The following FOXP1 variants were observed in gnomAD, a reference collection of about 807,000 sequenced individuals.
FOXP1 encodes forkhead box protein P1.
Under a neutral mutation model 98.2 loss-of-function variants are expected in FOXP1, and 15 were observed. The ratio of observed to expected loss-of-function variants is 0.15; its 90% CI spans 0.10 to 0.24. The LOEUF (loss-of-function observed/expected upper bound fraction) is 0.24, where lower values mean the gene tolerates loss of function less well. Ranked by LOEUF, FOXP1 falls within the 10% of genes least tolerant of loss-of-function variation. FOXP1 has a pLI of 1.00. For missense variants in FOXP1, 633 were observed against 848.5 expected, an observed-to-expected ratio of 0.75 and a Z score of 3.15; for synonymous variants, 371 against 314.5, an observed-to-expected ratio of 1.18 and a Z score of -1.90.
chr3:71,397,014 A>ATATATACACACATATATATGTG (rs1560425080), intron 3 of FOXP1, among the ~76,000 whole-genome samples: 1 of 63,934 alleles, frequency 1.6e-5, no homozygotes, highest in Non-Finnish European at 3.2e-5. Flanking sequence ...ATGTGTATAT[A>ATATATACACACATATATATGTG]TATATATATA....
intron 4 of FOXP1, among the ~76,000 whole-genome samples, chr3:71,315,185 TTAATTGC>T (rs1237879253): frequency 6.6e-6 from 1 of 152,088 alleles, no homozygotes; most frequent in Non-Finnish European, 1.5e-5. Flanking sequence ...AGCCTTTTAT[TTAATTGC>T]TAAGGCACTT....
intron 5 of FOXP1, among the ~76,000 whole-genome samples, chr3:71,246,476 T>C (rs1462437110): frequency 1.3e-5 from 2 of 152,206 alleles, no homozygotes; most frequent in Non-Finnish European, 2.9e-5. Context: ...AGTTCCTCCC[T>C]AGCCTGGAAC....
At chr3:71,561,760 T>C (rs2046559238) in intron 2 of FOXP1, among the ~76,000 whole-genome samples, 1 of 152,212 alleles carries the variant, frequency 6.6e-6, no homozygotes. Flanking sequence ...TTCTATCCCA[T>C]GAAAATCATC....
intron 3 of FOXP1, among the ~76,000 whole-genome samples, chr3:71,466,581 C>A (rs1452703039): frequency 1.3e-5 from 2 of 152,086 alleles, no homozygotes; most frequent in Non-Finnish European, 2.9e-5. Flanking sequence ...TTGTTTTCAG[C>A]GGAATTTTTT....
chr3:71,412,509 A>G (rs73837158), intron 3 of FOXP1, among the ~76,000 whole-genome samples: 1,825 of 152,308 alleles, frequency 0.012, 45 homozygotes, highest in African/African-American at 0.042. Context: ...ACTAGGGACT[A>G]AAACATAAAG....
At chr3:70,959,446 A>T in intron 20 of FOXP1, 55 bp from the exon 21 acceptor site, 4 of 1,608,506 alleles carry the variant, frequency 2.5e-6, no homozygotes, top group Non-Finnish European at 3.4e-6. Context: ...ATTGCAGCTC[A>T]GGTGCACTGA....
At chr3:71,539,913 T>A (rs370867544) in intron 2 of FOXP1, among the ~76,000 whole-genome samples, 1 of 152,218 alleles carries the variant, frequency 6.6e-6, no homozygotes, top group African/African-American at 2.4e-5. Context: ...TTAAGCTTCA[T>A]GAGAGCACAA....
At chr3:71,234,461 G>C (rs1012100215) in intron 5 of FOXP1, among the ~76,000 whole-genome samples, 5 of 152,174 alleles carry the variant, frequency 3.3e-5, no homozygotes, top group African/African-American at 1.2e-4. Flanking sequence ...GGGTGAGTGG[G>C]GGGAGGCGAG....
chr3:71,130,703 C>G (rs534033221), intron 6 of FOXP1: 4 of 1,549,600 alleles, frequency 2.6e-6, no homozygotes, highest in Non-Finnish European at 3.5e-6. Flanking sequence ...TAGGCAACCT[C>G]AGGGAGGTTT....
intron 5 of FOXP1, among the ~76,000 whole-genome samples, chr3:71,221,554 A>C (rs1275617003): frequency 3.3e-5 from 5 of 152,128 alleles, no homozygotes; most frequent in Admixed American, 3.3e-4. Flanking sequence ...CACTTTCTAC[A>C]TTCACTCTGA....
At chr3:71,023,880 A>T (rs763538335) in intron 11 of FOXP1, among the ~76,000 whole-genome samples, 1 of 152,236 alleles carries the variant, frequency 6.6e-6, no homozygotes, top group Non-Finnish European at 1.5e-5. Context: ...AATGATACCA[A>T]ACTAGACGAG....
intron 20 of FOXP1, among the ~76,000 whole-genome samples, chr3:70,963,032 T>C (rs2033918018): frequency 6.6e-6 from 1 of 152,228 alleles, no homozygotes; most frequent in African/African-American, 2.4e-5. Flanking sequence ...CCAAAATATG[T>C]AGTTACGAGG....
intron 5 of FOXP1, among the ~76,000 whole-genome samples, chr3:71,220,171 T>C (rs775066151): frequency 3.9e-5 from 6 of 152,250 alleles, no homozygotes; most frequent in Admixed American, 6.5e-5. Flanking sequence ...CTAGGGATCA[T>C]GTCTTGCCCC....
intron 3 of FOXP1, among the ~76,000 whole-genome samples, chr3:71,420,834 G>A (rs1257498665): frequency 6.6e-6 from 1 of 151,812 alleles, no homozygotes; most frequent in Non-Finnish European, 1.5e-5. Flanking sequence ...AGCCTCCTTA[G>A]TACCTAGGAC....
chr3:71,245,734 T>C (rs2067687548), intron 5 of FOXP1, among the ~76,000 whole-genome samples: 1 of 152,074 alleles, frequency 6.6e-6, no homozygotes. Context: ...TGAAAATTTA[T>C]TACCTGAAAT....
At chr3:71,560,250 T>C (rs1578180505) in intron 2 of FOXP1, among the ~76,000 whole-genome samples, 1 of 152,206 alleles carries the variant, frequency 6.6e-6, no homozygotes, top group Non-Finnish European at 1.5e-5. Flanking sequence ...GTGACTACGA[T>C]TGACTCTTCC....
At chr3:71,278,385 G>C (rs573131080) in intron 5 of FOXP1, among the ~76,000 whole-genome samples, 9 of 152,226 alleles carry the variant, frequency 5.9e-5, no homozygotes, top group African/African-American at 2.2e-4. Flanking sequence ...TACAAAAGGT[G>C]GTCTATGGTA....
Position 71,581,636 on chromosome 3 carries a change from G to A in FOXP1, c.-385C>T, listed in dbSNP as rs576720632. 1.3e-3 allele frequency: 1,310 copies of A among 985,852 alleles called. 19 individuals carry two copies. In the African/African-American group the frequency reaches 0.021, roughly 16 times the overall value. 61.1% of individuals were successfully genotyped at this position (985,852 alleles called of 1,614,324 possible). A position where few individuals can be genotyped will look rare whatever the true frequency, so the allele number is the denominator to read the frequency against. On this transcript the variant is annotated 5_prime_UTR_variant, in exon 2 of 21. Transcript: ENST00000649528. ...CACCATGGTCCCCGGCGCCGCTGCC[G>A]CTGCCCCCGGCCCGCTCGCTCGCTC... is the stretch of plus-strand genomic sequence containing the variant.
intron 2 of FOXP1, among the ~76,000 whole-genome samples, chr3:71,569,321 G>A (rs751770642): frequency 1.5e-4 from 23 of 152,128 alleles, no homozygotes; most frequent in Non-Finnish European, 2.4e-4. Context: ...GCATGCAGAC[G>A]TACAGCACAC....
Sources: allele counts gnomAD v4.1 joint callset (sites outside exome capture counted in the v4.1 genomes callset), GRCh38; gene constraint gnomAD v4.1.1; transcripts MANE v1.5; gene names NCBI Gene and HGNC (gene_info 2026-07-23, HGNC 2026-07-21).